EPM2A: variants seen among roughly 807,000 people sequenced by gnomAD.
The protein encoded by EPM2A is EPM2A glucan phosphatase, laforin.
Under a neutral mutation model 26.5 loss-of-function variants are expected in EPM2A, and 21 were observed. That is an observed-to-expected ratio of 0.79 (90% CI 0.56 to 1.14). The LOEUF is 1.14. Ranked by LOEUF, EPM2A falls within the 50% of genes most tolerant of loss-of-function variation. EPM2A has a pLI of 0.00. For synonymous variants in EPM2A, 217 were observed against 177.6 expected, an observed-to-expected ratio of 1.22 and a Z score of -1.76; for missense variants, 458 against 440.8, an observed-to-expected ratio of 1.04 and a Z score of -0.35.
At chr6:145,468,387 G>A (rs1025980633) in intron 4 of EPM2A, among the ~76,000 whole-genome samples, 5 of 152,104 alleles carry the variant, frequency 3.3e-5, no homozygotes, top group Non-Finnish European at 4.4e-5. Flanking sequence ...ACTTTTATTA[G>A]ACTGCCAACT....
intron 4 of EPM2A, among the ~76,000 whole-genome samples, chr6:145,457,505 GA>G (rs1177568510): frequency 3.4e-5 from 5 of 148,924 alleles, no homozygotes; most frequent in African/African-American, 1.2e-4. Flanking sequence ...AAAAGAAAAA[GA>G]AAAAAATATA....
downstream of EPM2A, among the ~76,000 whole-genome samples, chr6:145,496,718 AGT>A (rs577022468): frequency 2.4e-3 from 340 of 139,872 alleles, 4 homozygotes; most frequent in African/African-American, 8.2e-3. Context: ...TTTTACTGTC[AGT>A]TCCTGCAATT....
At chr6:145,651,386 T>C (rs1413283136) in intron 2 of EPM2A, among the ~76,000 whole-genome samples, 2 of 152,218 alleles carry the variant, frequency 1.3e-5, no homozygotes, top group African/African-American at 4.8e-5. Context: ...AAAGTAATTA[T>C]GCTTTGGCGA....
chr6:145,640,338 G>T (rs895091114), intron 2 of EPM2A: 6 of 152,164 alleles, frequency 3.9e-5, no homozygotes, highest in African/African-American at 1.4e-4. Context: ...AGAAATGGCA[G>T]AATAACCTTT....
At chr6:145,411,344 C>G (rs2114675273) in intron 4 of EPM2A, among the ~76,000 whole-genome samples, 1 of 152,228 alleles carries the variant, frequency 6.6e-6, no homozygotes, top group Middle Eastern at 3.4e-3. Context: ...GATACTGCTC[C>G]TGGCATAATG....
chr6:145,702,219 G>C (rs1476462213), intron 1 of EPM2A, among the ~76,000 whole-genome samples: 1 of 152,150 alleles, frequency 6.6e-6, no homozygotes, highest in Admixed American at 6.5e-5. Flanking sequence ...AAAGTCATCT[G>C]CTAGTTTCCA....
intron 1 of EPM2A, among the ~76,000 whole-genome samples, chr6:145,727,433 A>C (rs1776265621): frequency 6.6e-6 from 1 of 152,120 alleles, no homozygotes; most frequent in African/African-American, 2.4e-5. Flanking sequence ...AGAAATGAAT[A>C]TCTGCCTTGC....
chr6:145,724,772 C>T (rs1210040895), intron 1 of EPM2A, among the ~76,000 whole-genome samples: 1 of 151,902 alleles, frequency 6.6e-6, no homozygotes, highest in Non-Finnish European at 1.5e-5. Context: ...AAAAATGGTG[C>T]TGGAACAAGT....
At chr6:145,470,888 C>G (rs554694457) in intron 4 of EPM2A, among the ~76,000 whole-genome samples, 5 of 152,220 alleles carry the variant, frequency 3.3e-5, no homozygotes, top group African/African-American at 1.2e-4. Context: ...TGTCTTAAAG[C>G]AATAATTATT....
chr6:145,648,563 G>A (rs960770101), intron 2 of EPM2A, among the ~76,000 whole-genome samples: 1 of 152,202 alleles, frequency 6.6e-6, no homozygotes, highest in African/African-American at 2.4e-5. Flanking sequence ...AATGACAAAT[G>A]TGATTCTAGA....
chr6:145,392,595 G>A (rs141542851), intron 4 of EPM2A, among the ~76,000 whole-genome samples: 1 of 151,974 alleles, frequency 6.6e-6, no homozygotes, highest in Non-Finnish European at 1.5e-5. Context: ...ATTACAGGGG[G>A]CCACCAGGCA....
intron 2 of EPM2A, among the ~76,000 whole-genome samples, chr6:145,612,701 G>A (rs1294082565): frequency 6.8e-6 from 1 of 147,620 alleles, no homozygotes; most frequent in African/African-American, 2.5e-5. Context: ...TCTATTAAGA[G>A]TACAATATTA....
intron 4 of EPM2A, among the ~76,000 whole-genome samples, chr6:145,488,217 T>C (rs1244311999): frequency 2.0e-5 from 3 of 152,152 alleles, no homozygotes; most frequent in Non-Finnish European, 4.4e-5. Context: ...TTGGTTACTG[T>C]AGCAGCATGG....
At chr6:145,426,383 G>A (rs1280026130) in intron 4 of EPM2A, among the ~76,000 whole-genome samples, 1 of 152,140 alleles carries the variant, frequency 6.6e-6, no homozygotes, top group Non-Finnish European at 1.5e-5. Flanking sequence ...AACCAGATTC[G>A]CATCAAAATA....
chr6:145,683,268 GGTGTGTGT>G (rs35326843), intron 2 of EPM2A, among the ~76,000 whole-genome samples: 8 of 134,008 alleles, frequency 6.0e-5, no homozygotes, highest in South Asian at 2.4e-4. Flanking sequence ...CCCAGGATTT[GGTGTGTGT>G]GTGTGTGTGT....
intron 2 of EPM2A, among the ~76,000 whole-genome samples, chr6:145,597,467 A>ATT (rs1177054458): frequency 1.4e-5 from 2 of 140,128 alleles, no homozygotes; most frequent in East Asian, 2.2e-4. Flanking sequence ...TGACCTGTTT[A>ATT]TTTTTTTTTC....
At chr6:145,709,609 A>G (rs1227854640) in intron 1 of EPM2A, among the ~76,000 whole-genome samples, 2 of 152,216 alleles carry the variant, frequency 1.3e-5, no homozygotes, top group African/African-American at 4.8e-5. Flanking sequence ...AGTCTCGAGT[A>G]TGTCTTTATT....
chr6:145,584,065 C>T (rs971762231), intron 2 of EPM2A, among the ~76,000 whole-genome samples: 3 of 152,148 alleles, frequency 2.0e-5, no homozygotes, highest in Non-Finnish European at 4.4e-5. Context: ...GTACCATGGG[C>T]TATCTGCACA....
At chr6:145,449,369 C>G (rs1025348592) in intron 4 of EPM2A, among the ~76,000 whole-genome samples, 1 of 152,128 alleles carries the variant, frequency 6.6e-6, no homozygotes, top group African/African-American at 2.4e-5. Flanking sequence ...CAGATGCCCC[C>G]TTCAATGTAG....
Sources: allele counts gnomAD v4.1 joint callset (sites outside exome capture counted in the v4.1 genomes callset), GRCh38; gene constraint gnomAD v4.1.1; transcripts MANE v1.5; gene names NCBI Gene and HGNC (gene_info 2026-07-23, HGNC 2026-07-21).